SNX30: variants seen among roughly 807,000 people sequenced by gnomAD.
The protein encoded by SNX30 is sorting nexin-30.
A neutral mutation model predicts 46.4 loss-of-function variants in SNX30; 24 were observed. The ratio of observed to expected loss-of-function variants is 0.52; its 90% CI spans 0.37 to 0.73. SNX30 has a LOEUF of 0.73. Ranked by LOEUF, SNX30 falls within the 30% of genes least tolerant of loss-of-function variation. The pLI is 0.00. For missense variants in SNX30, 533 were observed against 555.7 expected (o/e 0.96, Z 0.41); for synonymous variants, 189 against 211.5 (o/e 0.89, Z 0.92).
intron 6 of SNX30, among the ~76,000 whole-genome samples, chr9:112,848,608 A>C (rs1840975571): frequency 6.6e-6 from 1 of 152,156 alleles, no homozygotes; most frequent in African/African-American, 2.4e-5. Flanking sequence ...TTCACTCTGC[A>C]GGGTTGCTGG....
chr9:112,776,406 G>C (rs1435359095), intron 1 of SNX30, among the ~76,000 whole-genome samples: 1 of 152,130 alleles, frequency 6.6e-6, no homozygotes, highest in Non-Finnish European at 1.5e-5. Flanking sequence ...TTTGTTTAGT[G>C]TTCCCATGTT....
chr9:112,783,414 A>C (rs1458924669), intron 1 of SNX30, among the ~76,000 whole-genome samples: 1 of 152,236 alleles, frequency 6.6e-6, no homozygotes, highest in East Asian at 1.9e-4. Flanking sequence ...ATGTAAAGTG[A>C]CTTACACAGT....
At chr9:112,856,442 T>G (rs1431039870) in intron 7 of SNX30, among the ~76,000 whole-genome samples, 18 of 116,850 alleles carry the variant, frequency 1.5e-4, no homozygotes, top group African/African-American at 2.7e-4. Flanking sequence ...TGGGGGTGGG[T>G]GTGGTGTTTT....
At chr9:112,753,494 G>A (rs544807947) in intron 1 of SNX30, among the ~76,000 whole-genome samples, 6 of 152,110 alleles carry the variant, frequency 3.9e-5, no homozygotes, top group African/African-American at 1.2e-4. Flanking sequence ...AGTGATTCTC[G>A]TGTCTCAGCT....
chr9:112,878,502 A>G (rs1193349687), downstream of SNX30: 1 of 152,150 alleles, frequency 6.6e-6, no homozygotes, highest in Non-Finnish European at 1.5e-5. Flanking sequence ...GTGCTCCCTT[A>G]TATTAGTGAG....
chr9:112,836,430 T>G (rs369129436), intron 5 of SNX30, 21 bp downstream of exon 5: 2 of 1,577,422 alleles, frequency 1.3e-6, no homozygotes, highest in African/African-American at 2.7e-5. Context: ...TGTTGAGGTC[T>G]CGATTATGCC....
chr9:112,850,069 C>G (rs185168748), intron 6 of SNX30, among the ~76,000 whole-genome samples: 35 of 152,338 alleles, frequency 2.3e-4, no homozygotes, highest in Admixed American at 2.2e-3. Flanking sequence ...AGGGCATTCA[C>G]TGTCAGGTGC....
At chr9:112,882,140 T>C (rs1841584997), downstream of SNX30, among the ~76,000 whole-genome samples, 1 of 152,196 alleles carries the variant, frequency 6.6e-6, no homozygotes, top group Non-Finnish European at 1.5e-5. Context: ...AGAGTCTTGC[T>C]CTGTCACCCA....
At chr9:112,831,342 AC>A (rs1840657303) in intron 4 of SNX30, among the ~76,000 whole-genome samples, 1 of 152,072 alleles carries the variant, frequency 6.6e-6, no homozygotes, top group Non-Finnish European at 1.5e-5. Context: ...CCGGGGCCCC[AC>A]CCACTTGCAG....
chr9:112,804,405 G>A (rs1351917689), intron 1 of SNX30, among the ~76,000 whole-genome samples: 1 of 152,126 alleles, frequency 6.6e-6, no homozygotes, highest in Admixed American at 6.5e-5. Flanking sequence ...CCTCAGGTGA[G>A]CCACCTGTCT....
At chr9:112,784,049 T>C (rs1208052386) in intron 1 of SNX30, among the ~76,000 whole-genome samples, 2 of 152,214 alleles carry the variant, frequency 1.3e-5, no homozygotes, top group Non-Finnish European at 2.9e-5. Context: ...TAGCAGTTTC[T>C]AATCCTCTGT....
chr9:112,750,660 G>A (rs1218008125), upstream of SNX30, among the ~76,000 whole-genome samples: 1 of 151,604 alleles, frequency 6.6e-6, no homozygotes, highest in Non-Finnish European at 1.5e-5. Context: ...CCTTCCCCAC[G>A]TGCCCCTTCC....
Position 112,751,140 on chromosome 9 carries a change from C to G in SNX30, c.139C>G (p.Arg47Gly), listed in dbSNP as rs779388655. 2 of 1,518,772 alleles carry G rather than the reference C, an allele frequency of 1.3e-6. No individual in the cohort carries two copies. Among genetic ancestry groups the G allele is most frequent in the South Asian group, 2.5e-5 (2 of 80,558 alleles). The allele number at this position is 1,518,772 out of a possible 1,614,324, so 94.1% of individuals were successfully genotyped here. The change falls in exon 1 of 9, where the codon CGC becomes GGC. Residue 47 changes from arginine (R) to glycine (G), a missense_variant. Transcript: ENST00000374232. ...GCCCAGCCCGGACCTGCTGATGGCCCGCAGCTTCGGTGACAAGGTGGGGCG... is the reference window on the plus strand; with the variant it reads ...GCCCAGCCCGGACCTGCTGATGGCCGGCAGCTTCGGTGACAAGGTGGGGCG... ...STPSPDLLMA[R>G]SFGDKDLILP... is the part of the protein sequence containing the mutation.
At chr9:112,810,035 TTTTTCCA>T (rs1387926704) in intron 2 of SNX30, among the ~76,000 whole-genome samples, 1 of 152,130 alleles carries the variant, frequency 6.6e-6, no homozygotes, top group Non-Finnish European at 1.5e-5. Flanking sequence ...GGCGGTGTAC[TTTTTCCA>T]TTGTTTGTGG....
At chr9:112,878,156 A>G (rs536876671), downstream of SNX30, 1 of 152,372 alleles carries the variant, frequency 6.6e-6, no homozygotes, top group Admixed American at 6.5e-5. Context: ...TGCAAATTTA[A>G]GCACTCTGTG....
At chr9:112,839,324 C>T (rs962251835) in intron 6 of SNX30, among the ~76,000 whole-genome samples, 1 of 152,152 alleles carries the variant, frequency 6.6e-6, no homozygotes, top group Non-Finnish European at 1.5e-5. Context: ...GAAAAGATCA[C>T]CAGCCCAAAG....
Position 112,752,304 on chromosome 9 carries a change from AG to A in SNX30, c.156+1149del, listed in dbSNP as rs201774439. ...GCAGGGAGTGAAGTTCCAAAGCATT[AG>A]GAACAGGAAAATTAAAAAAGCTAAT... On this transcript the variant is annotated intron_variant, in intron 1 of 8. Transcript: ENST00000374232. Among the ~76,000 whole-genome samples, 70 of 152,342 alleles carry A rather than the reference AG, an allele frequency of 4.6e-4. No homozygotes were observed. In the East Asian group the frequency reaches 0.013, roughly 29 times the overall value.
chr9:112,778,382 C>G (rs1159513940), intron 1 of SNX30, among the ~76,000 whole-genome samples: 1 of 150,634 alleles, frequency 6.6e-6, no homozygotes, highest in East Asian at 2.0e-4. Context: ...AAGTGATTCT[C>G]CTGCCTCAGC....
chr9:112,760,749 A>C (rs1025216057), intron 1 of SNX30, among the ~76,000 whole-genome samples: 2 of 152,360 alleles, frequency 1.3e-5, no homozygotes, highest in East Asian at 1.9e-4. Context: ...TTAAATTACC[A>C]ATACCGTGAC....
Sources: allele counts gnomAD v4.1 joint callset (sites outside exome capture counted in the v4.1 genomes callset), GRCh38; gene constraint gnomAD v4.1.1; transcripts MANE v1.5; gene names NCBI Gene and HGNC (gene_info 2026-07-23, HGNC 2026-07-21).